The following LRRN4 variants were observed in gnomAD, a reference collection of about 807,000 sequenced individuals.
LRRN4 encodes the protein leucine-rich repeat neuronal protein 4.
In LRRN4, 26 loss-of-function variants were observed where a neutral mutation model predicts 22.3. The observed-to-expected ratio is 1.16, with a 90% CI of 0.85 to 1.62. The LOEUF (loss-of-function observed/expected upper bound fraction) is 1.62. LRRN4 is among the 40% of genes most tolerant of loss of function. The probability of loss-of-function intolerance (pLI) is 0.00; values close to 1 mark genes in which losing one functional copy is unlikely to be tolerated. For missense variants in LRRN4, 1,070 were observed against 1,008.5 expected (o/e 1.06, Z -0.83); for synonymous variants, 496 against 486.2 (o/e 1.02, Z -0.26).
chr20:6,052,018 T>A, intron 2 of LRRN4, 127 bp downstream of exon 2: 1 of 1,188,796 alleles, frequency 8.4e-7, no homozygotes, highest in Non-Finnish European at 1.1e-6. Flanking sequence ...GGTGTCTTTT[T>A]GAACCCTCCT....
In LRRN4 at chr20:6,042,140, T is replaced by G. The variant is rs752393963; in HGVS notation, c.1105A>C (p.Thr369Pro). 5.8e-5 allele frequency: 94 copies of G among 1,613,356 alleles called. No homozygotes were observed. Among genetic ancestry groups the G allele is most frequent in the Non-Finnish European group, 7.8e-5 (92 of 1,179,862 alleles). ...PGVCQSDQST[T>P]LGASHPPCFN... is the part of the protein sequence containing the mutation. ...CAAGGTGGGTGTGAAGCCCCGAGAG[T>G]GGTGCTTTGGTCGGACTGGCACACT... The change falls in exon 5 of 5, where the codon ACT becomes CCT. Residue 369 changes from threonine (T) to proline (P), a missense_variant. Coordinates refer to ENST00000378858, the MANE Select transcript of LRRN4 (RefSeq NM_152611.5).
chr20:6,042,292 A>G, intron 4 of LRRN4, 46 bp from the exon 5 acceptor site: 1 of 1,548,932 alleles, frequency 6.5e-7, no homozygotes, highest in South Asian at 1.2e-5. Flanking sequence ...CTTCAGGGAC[A>G]CTTCTGCGCA....
chr20:6,053,633 G>C (rs1255082344), intron 1 of LRRN4, among the ~76,000 whole-genome samples, 197 bp downstream of exon 1: 3 of 152,056 alleles, frequency 2.0e-5, no homozygotes, highest in African/African-American at 7.2e-5. Flanking sequence ...CTGGCCATGA[G>C]GTCACTGCTC....
chr20:6,041,067 G>C lies in LRRN4; in HGVS notation c.2178C>G (p.Asn726Lys), dbSNP rs1281304187. The C allele has an allele frequency of 6.2e-7, 1 of 1,613,982 alleles. No homozygotes were observed. The highest frequency in any genetic ancestry group is 8.5e-7 in the Non-Finnish European group (1 of 1,180,002). ...RCDTHLVAYK[N>K]PAFDDYPLGL... ...CCAGCGGGTAATCATCAAAGGCCGG[G>C]TTTTTGTAGGCCACCAGGTGCGTGT... Residue 726 changes from asparagine to lysine, a missense_variant, in exon 5 of 5, where the codon AAC becomes AAG. Transcript: ENST00000378858. This position sits in a 1 kb window ranked among gnomAD's most constrained non-coding sequence, Gnocchi z 9.4.
Position 6,051,330 on chromosome 20 carries a change from A to G in LRRN4, c.656-347T>C, listed in dbSNP as rs116905449. Reference sequence around the variant, plus strand: ...CCTTCTCATTAAAGTCCACACAGAAAATAACCAGACTTTGCTCTGATGTCT... The same window carrying G: ...CCTTCTCATTAAAGTCCACACAGAAGATAACCAGACTTTGCTCTGATGTCT... On this transcript the variant is annotated intron_variant, in intron 2 of 4. Transcript: ENST00000378858. Among the ~76,000 whole-genome samples the G allele has an allele frequency of 8.1e-4, 123 of 152,270 alleles. 1 individual carries two copies. The East Asian group carries it at 0.022, about 27-fold the overall frequency.
In LRRN4 at chr20:6,041,172, G is replaced by T; in HGVS notation, c.2073C>A (p.Ser691Arg). 2 of 1,598,930 alleles carry T rather than the reference G, an allele frequency of 1.3e-6. No homozygotes were observed. Among genetic ancestry groups the T allele is most frequent in the Non-Finnish European group, 8.5e-7 (1 of 1,172,286 alleles). The stretch of plus-strand genomic sequence containing the variant: ...CCACGGTGCTGGCGAGCAACAGGCC[G>T]CTGGCGGCGCACAGCCCAGAGAGCA... The part of the protein sequence containing the change: ...ALLLSGLCAA[S>R]GLLLASTVVL... Residue 691 changes from serine to arginine, a missense_variant, in exon 5 of 5, where the codon AGC (serine) becomes AGA (arginine). By Grantham distance (110) the Ser-to-Arg change is moderately radical (BLOSUM62 -1). Transcript: ENST00000378858. The surrounding 1 kb of genome is among the most constrained non-coding windows in gnomAD (Gnocchi z 9.4).
intron 2 of LRRN4, among the ~76,000 whole-genome samples, 192 bp from the exon 3 acceptor site, chr20:6,051,175 C>T (rs908781687): frequency 6.6e-6 from 1 of 152,196 alleles, no homozygotes; most frequent in South Asian, 2.1e-4. Flanking sequence ...GACAAGCAGT[C>T]CTTCCTTTCT....
In LRRN4 at chr20:6,044,577, G is replaced by A. The variant is rs763896393; in HGVS notation, c.964C>T (p.Leu322Phe). Reference sequence around the variant, plus strand: ...ACAGTTCTCTTTGCATCCGTGAGGAGCCAAGACAAGTCACAACTGCAAGTG... The same window carrying A: ...ACAGTTCTCTTTGCATCCGTGAGGAACCAAGACAAGTCACAACTGCAAGTG... ...PLTCSCDLSWLLTDAKRTVLS... is the reference protein window; with the variant it reads ...PLTCSCDLSWFLTDAKRTVLS... Residue 322 changes from leucine (L) to phenylalanine (F), a missense_variant, in exon 4 of 5, where the codon CTC becomes TTC. Transcript: ENST00000378858. 2.5e-6 allele frequency: 4 copies of A among 1,591,884 alleles called. No homozygotes were observed. The South Asian group carries it at 3.5e-5, about 14-fold the overall frequency.
rs1260808941 is a variant in LRRN4 at position 6,041,257 on chromosome 20, C to G, written c.1988G>C (p.Arg663Pro). The G allele has an allele frequency of 6.3e-7, 1 of 1,584,756 alleles. No individual in the cohort carries two copies. The highest frequency in any genetic ancestry group is 1.7e-4 in the Middle Eastern group (1 of 5,956). The stretch of plus-strand genomic sequence containing the variant: ...GCACGGGCTCCTCCAGCCCGAAGAC[C>G]GTGGCTGGCTCAAGCCCGCCCTGTT... ...AANRAGLSQP[R>P]SSGWRSPCAA... Residue 663 changes from arginine (R) to proline (P), a missense_variant, in exon 5 of 5, where the codon CGG becomes CCG. By Grantham distance (103) the Arg-to-Pro change is moderately radical. Coordinates refer to ENST00000378858, the MANE Select transcript of LRRN4 (RefSeq NM_152611.5). The surrounding 1 kb of genome is among the most constrained non-coding windows in gnomAD (Gnocchi z 9.4).
chr20:6,049,070 A>G (rs1981180401), intron 3 of LRRN4, among the ~76,000 whole-genome samples: 1 of 152,200 alleles, frequency 6.6e-6, no homozygotes, highest in Non-Finnish European at 1.5e-5. Context: ...GTCAGATTGC[A>G]GTGAATTGAC....
rs759129857 is a variant in LRRN4, at chr20:6,052,513, C to T, written c.287G>A (p.Gly96Asp). 1 of 1,583,976 alleles carries T rather than the reference C, an allele frequency of 6.3e-7. No individual in the cohort carries two copies. The highest frequency in any genetic ancestry group is 8.5e-7 in the Non-Finnish European group (1 of 1,173,502). ...CAGCACCTGCAGCTGCTCCAGGTGG[C>T]CGAGCTCGGAAGTGCTCAGGGCGCG... ...LLRALSTSEL[G>D]HLEQLQVLTL... The change falls in exon 2 of 5, where the codon GGC (glycine) becomes GAC (aspartate). Residue 96 changes from glycine to aspartate, a missense_variant. Physicochemically the swap from Gly to Asp is moderately conservative, Grantham distance 94 (BLOSUM62 -1). Coordinates refer to ENST00000378858, the MANE Select transcript of LRRN4 (RefSeq NM_152611.5).
Position 6,041,573 on chromosome 20 carries a change from G to T in LRRN4, c.1672C>A (p.Pro558Thr), listed in dbSNP as rs1391960119. 6.4e-7 allele frequency: 1 copy of T among 1,559,300 alleles called. No individual in the cohort carries two copies. The change falls in exon 5 of 5, where the codon CCG becomes ACG. Residue 558 changes from proline to threonine, a missense_variant. By Grantham distance (38) the Pro-to-Thr change is conservative (BLOSUM62 -1). Coordinates refer to ENST00000378858, the MANE Select transcript of LRRN4 (RefSeq NM_152611.5). The surrounding 1 kb of genome is among the most constrained non-coding windows in gnomAD (Gnocchi z 9.4). ...DYHPCKHLQTPCAELQRRWRC... is the reference protein window; with the variant it reads ...DYHPCKHLQTTCAELQRRWRC... ...CACCGCCTCTGCAGCTCCGCGCACG[G>T]GGTCTGCAGGTGCTTGCAGGGATGG...
At position 6,041,844 on chromosome 20, in the gene LRRN4, A is replaced by C. The variant is rs374804431; in HGVS notation, c.1401T>G (p.Leu467=). 4.3e-5 allele frequency: 70 copies of C among 1,613,988 alleles called. 1 individual carries two copies. The highest frequency in any genetic ancestry group is 3.3e-4 in the Middle Eastern group (2 of 6,084). The change falls in exon 5 of 5, where the codon CTT becomes CTG. Residue 467 remains leucine (L), a synonymous_variant. Transcript: ENST00000378858. The surrounding 1 kb of genome is among the most constrained non-coding windows in gnomAD (Gnocchi z 9.4). The part of the protein sequence containing the change: ...HRGEHAPELV[L]EPDISAASTP... Reference sequence around the variant, plus strand: ...TGGAGGCAGCTGAGATATCAGGCTCAAGGACAAGCTCGGGGGCATGTTCTC... The same window carrying C: ...TGGAGGCAGCTGAGATATCAGGCTCCAGGACAAGCTCGGGGGCATGTTCTC...
Position 6,052,225 on chromosome 20 carries a change from T to C in LRRN4, c.575A>G (p.Glu192Gly), listed in dbSNP as rs768524747. 6.3e-6 allele frequency: 10 copies of C among 1,580,402 alleles called. No individual in the cohort carries two copies. The highest frequency in any genetic ancestry group is 8.6e-6 in the Non-Finnish European group (10 of 1,164,044). The change falls in exon 2 of 5, where the codon GAG (glutamate) becomes GGG (glycine). Residue 192 changes from glutamate (E) to glycine (G), a missense_variant. Glu to Gly is a moderately conservative substitution (Grantham distance 98). Transcript: ENST00000378858. ...LGRGAQGGIAEAAFAGEDGAP... is the reference protein window; with the variant it reads ...LGRGAQGGIAGAAFAGEDGAP... ...GCCATCCTCTCCAGCGAACGCCGCC[T>C]CGGCGATGCCCCCCTGGGCTCCGCG...
At chr20:6,046,457 T>C (rs1015357661) in intron 3 of LRRN4, among the ~76,000 whole-genome samples, 1 of 148,748 alleles carries the variant, frequency 6.7e-6, no homozygotes, top group Non-Finnish European at 1.5e-5. Context: ...CTCCCTTCTC[T>C]TTCTCACCCA....
intron 3 of LRRN4, 60 bp from the exon 4 acceptor site, chr20:6,044,740 C>A: frequency 7.2e-7 from 1 of 1,393,966 alleles, no homozygotes; most frequent in Non-Finnish European, 9.5e-7. Flanking sequence ...CAAAGATATT[C>A]CCAGAGAGGC....
chr20:6,052,879 C>G (rs1389728481), intron 1 of LRRN4, 75 bp from the exon 2 acceptor site: 1 of 1,410,286 alleles, frequency 7.1e-7, no homozygotes, highest in African/African-American at 1.4e-5. Context: ...GCGTCCCAAC[C>G]CTACCTCCAG....
At position 6,042,004 on chromosome 20, in the gene LRRN4, G is replaced by A. The variant is rs372289675; in HGVS notation, c.1241C>T (p.Ser414Phe). ...QSVSKAPNVG[S>F]RTIAAWPHSD... ...GTGCGGCCATGCAGCTATCGTGCGA[G>A]AGCCCACGTTAGGGGCCTTGGAGAC... is the stretch of plus-strand genomic sequence containing the variant. The change falls in exon 5 of 5, where the codon TCT becomes TTT. Residue 414 changes from serine (S) to phenylalanine (F), a missense_variant. Ser to Phe is a radical substitution (Grantham distance 155). Coordinates refer to ENST00000378858, the MANE Select transcript of LRRN4 (RefSeq NM_152611.5). 2.0e-5 allele frequency: 33 copies of A among 1,613,884 alleles called. No homozygotes were observed. In the African/African-American group the frequency reaches 3.7e-4, roughly 18 times the overall value.
chr20:6,050,956 G>A lies in LRRN4; in HGVS notation c.683C>T (p.Pro228Leu), dbSNP rs777174675. The A allele has an allele frequency of 2.5e-6, 4 of 1,614,018 alleles. No homozygotes were observed. Among genetic ancestry groups the A allele is most frequent in the East Asian group, 2.2e-5 (1 of 44,876 alleles). The change falls in exon 3 of 5, where the codon CCG becomes CTG. Residue 228 changes from proline to leucine, a missense_variant. Physicochemically the swap from Pro to Leu is moderately conservative, Grantham distance 98 (BLOSUM62 -3). Transcript: ENST00000378858. The stretch of plus-strand genomic sequence containing the variant: ...CCTCAGGTAGAGGGATGTGAGCTTC[G>A]GCAGGTCTCTGATCCACCCTGACTC... ...RVESGWIRDL[P>L]KLTSLYLRKM...
Sources: gnomAD v4.1 joint callset for allele counts (sites outside exome capture counted in the v4.1 genomes callset) on GRCh38, gnomAD v4.1.1 for gene constraint, Gnocchi (gnomAD v3.1) non-coding constraint, MANE v1.5 for transcripts, NCBI Gene and HGNC (gene_info 2026-07-23, HGNC 2026-07-21) for gene names.